GSE1: variants seen among roughly 807,000 people sequenced by gnomAD.
GSE1 encodes the protein Gse1 coiled-coil protein, also known as genetic suppressor element 1.
GSE1 carries 32 observed loss-of-function variants against 112.6 expected under a neutral mutation model. The observed-to-expected ratio is 0.28, with a 90% confidence interval of 0.21 to 0.38. The LOEUF is 0.38. GSE1 is among the 10% of genes least tolerant of loss of function. The pLI is 1.00. For synonymous variants in GSE1, 1,115 were observed against 735.6 expected (o/e 1.52, Z -8.35); for missense variants, 2,348 against 1,699.2 (o/e 1.38, Z -6.71).
intron 1 of GSE1, among the ~76,000 whole-genome samples, chr16:85,619,900 C>T (rs912849624): frequency 6.6e-6 from 1 of 152,126 alleles, no homozygotes; most frequent in Admixed American, 6.5e-5. Context: ...GAGCAGAAAC[C>T]CACACCATGA....
At chr16:85,532,583 C>T (rs1375378773) in intron 2 of GSE1, among the ~76,000 whole-genome samples, 1 of 152,136 alleles carries the variant, frequency 6.6e-6, no homozygotes, top group Non-Finnish European at 1.5e-5. Flanking sequence ...ACCCCTCCTT[C>T]CTGATTACTG....
At chr16:85,368,722 C>G (rs1772379876) in intron 2 of GSE1, among the ~76,000 whole-genome samples, 1 of 152,116 alleles carries the variant, frequency 6.6e-6, no homozygotes, top group Non-Finnish European at 1.5e-5. Flanking sequence ...CTAAACTAAA[C>G]TAAAATTCCA....
intron 1 of GSE1, among the ~76,000 whole-genome samples, chr16:85,272,498 G>C (rs1000250204): frequency 3.9e-5 from 6 of 152,162 alleles, no homozygotes; most frequent in African/African-American, 1.4e-4. Context: ...TTCGGCCATA[G>C]GTGGCATTCT....
chr16:85,195,954 TCAGA>T (rs1395840274), intron 1 of GSE1, among the ~76,000 whole-genome samples: 3 of 152,282 alleles, frequency 2.0e-5, no homozygotes, highest in African/African-American at 7.2e-5. Flanking sequence ...TTTCAGAACC[TCAGA>T]CAGATGCTTT....
chr16:85,486,787 C>T (rs951138456), intron 2 of GSE1, among the ~76,000 whole-genome samples: 3 of 152,192 alleles, frequency 2.0e-5, no homozygotes, highest in East Asian at 1.9e-4. Flanking sequence ...GCCCCCCGTT[C>T]GTGGCTTGTG....
intron 1 of GSE1, among the ~76,000 whole-genome samples, chr16:85,305,683 T>A (rs539653026): frequency 6.6e-6 from 1 of 152,066 alleles, no homozygotes; most frequent in African/African-American, 2.4e-5. Flanking sequence ...CCCATGTTGG[T>A]CAGGCTGGTT....
At chr16:85,631,772 G>T (rs750461) in intron 1 of GSE1, among the ~76,000 whole-genome samples, 2 of 152,240 alleles carry the variant, frequency 1.3e-5, no homozygotes, top group Admixed American at 6.5e-5. Context: ...ATGAAGAAAC[G>T]GAGGCCCTGA....
chr16:85,536,006 T>C (rs1187220694), intron 2 of GSE1, among the ~76,000 whole-genome samples: 2 of 152,090 alleles, frequency 1.3e-5, no homozygotes, highest in African/African-American at 4.8e-5. Flanking sequence ...GAAGACACAG[T>C]AAGGGCTGAG....
At chr16:85,339,035 C>A (rs1306739555) in intron 1 of GSE1, among the ~76,000 whole-genome samples, 2 of 152,112 alleles carry the variant, frequency 1.3e-5, no homozygotes, top group Admixed American at 1.3e-4. Flanking sequence ...TGTTACCACC[C>A]CCCACCGCTG....
chr16:85,615,521 C>T (rs1047124518), intron 1 of GSE1, among the ~76,000 whole-genome samples: 5 of 151,780 alleles, frequency 3.3e-5, no homozygotes, highest in South Asian at 2.1e-4. Context: ...GTTTTCTTTC[C>T]TGGAGCCTTG....
chr16:85,509,260 G>A (rs1255689017), intron 2 of GSE1, among the ~76,000 whole-genome samples: 1 of 152,206 alleles, frequency 6.6e-6, no homozygotes, highest in Non-Finnish European at 1.5e-5. Context: ...GGACAGCTTT[G>A]GGCGGCGGTA....
intron 2 of GSE1, among the ~76,000 whole-genome samples, chr16:85,512,195 C>T (rs2051769605): frequency 6.6e-6 from 1 of 152,162 alleles, no homozygotes; most frequent in South Asian, 2.1e-4. Flanking sequence ...GGGTGTGGCC[C>T]TGGGGTCATC....
chr16:85,443,504 G>A (rs529813862), intron 2 of GSE1, among the ~76,000 whole-genome samples: 1 of 152,362 alleles, frequency 6.6e-6, no homozygotes, highest in East Asian at 1.9e-4. Context: ...CTTCCACCTG[G>A]CCCATGGTAA....
chr16:85,338,975 C>T (rs551057597), intron 1 of GSE1, among the ~76,000 whole-genome samples: 7 of 152,166 alleles, frequency 4.6e-5, no homozygotes, highest in Non-Finnish European at 1.0e-4. Context: ...CTGTGAGCGT[C>T]GTCGGTTTCG....
At chr16:85,179,997 C>T (rs140992071) in intron 1 of GSE1, among the ~76,000 whole-genome samples, 3 of 152,188 alleles carry the variant, frequency 2.0e-5, no homozygotes, top group Admixed American at 1.3e-4. Flanking sequence ...CTAACCATCT[C>T]GTCTTTCTAC....
intron 2 of GSE1, chr16:85,359,258 CT>C: frequency 2.6e-6 from 1 of 388,138 alleles, no homozygotes; most frequent in Non-Finnish European, 5.2e-6. Flanking sequence ...GCGATGCGTC[CT>C]CCTGGGCCTG....
rs77735353 is a variant in GSE1 at position 85,467,209 on chromosome 16, G to A, written c.2464+109566G>A. ...CTTGCCTGACTGAACCATAAGGAGC[G>A]AGGGGCCGGAGCGAGCCAGCCTGGG... On this transcript the variant is annotated intron_variant, in intron 2 of 2. Transcript: ENST00000637419. Among the ~76,000 whole-genome samples, 4 of 152,320 alleles carry A rather than the reference G, an allele frequency of 2.6e-5. No homozygotes were observed. The East Asian group carries it at 5.8e-4, about 22-fold the overall frequency.
chr16:85,429,335 G>T (rs1256250939), intron 2 of GSE1, among the ~76,000 whole-genome samples: 1 of 152,258 alleles, frequency 6.6e-6, no homozygotes, highest in Middle Eastern at 3.2e-3. Context: ...GGAGCTCCCC[G>T]CAGGGTCTTC....
At chr16:85,606,476 G>T (rs1374322502), upstream of GSE1, among the ~76,000 whole-genome samples, 1 of 152,232 alleles carries the variant, frequency 6.6e-6, no homozygotes, top group African/African-American at 2.4e-5. Context: ...GCAGGGGATG[G>T]AACGGAGGGC....
Sources: gnomAD v4.1 joint callset for allele counts (sites outside exome capture counted in the v4.1 genomes callset) on GRCh38, gnomAD v4.1.1 for gene constraint, MANE v1.5 for transcripts, NCBI Gene and HGNC (gene_info 2026-07-23, HGNC 2026-07-21) for gene names.